CSMD3: variants seen among roughly 807,000 people sequenced by gnomAD.
CSMD3 encodes CUB and sushi domain-containing protein 3.
A neutral mutation model predicts 435.2 loss-of-function variants in CSMD3; 177 were observed. The ratio of observed to expected loss-of-function variants is 0.41; its 90% CI spans 0.36 to 0.46. CSMD3 has a LOEUF of 0.46. Among genes scored for constraint, CSMD3 ranks in the 20% least tolerant of loss-of-function variants. The probability of loss-of-function intolerance (pLI) is 0.34; values close to 1 mark genes in which losing one functional copy is unlikely to be tolerated. For missense variants in CSMD3, 4,265 were observed against 4,504.6 expected (o/e 0.95, Z 1.52); for synonymous variants, 1,656 against 1,520.5 (o/e 1.09, Z -2.07).
At chr8:113,167,574 A>G (rs2092177869) in intron 4 of CSMD3, among the ~76,000 whole-genome samples, 1 of 152,172 alleles carries the variant, frequency 6.6e-6, no homozygotes, top group African/African-American at 2.4e-5. Context: ...TCAAAACAAG[A>G]TTAAGGTGCA....
At chr8:112,253,749 T>C (rs1470876703) in intron 63 of CSMD3, among the ~76,000 whole-genome samples, 6 of 152,064 alleles carry the variant, frequency 3.9e-5, no homozygotes, top group African/African-American at 1.2e-4. Context: ...ATGTGTTGTA[T>C]AGCAACAGGT....
chr8:112,931,548 T>C (rs1326396181), intron 9 of CSMD3, among the ~76,000 whole-genome samples: 1 of 148,034 alleles, frequency 6.8e-6, no homozygotes, highest in Non-Finnish European at 1.5e-5. Flanking sequence ...GAAAAGATTG[T>C]ATGGTTAAAA....
At chr8:112,930,315 A>G (rs1240940498) in intron 9 of CSMD3, among the ~76,000 whole-genome samples, 1 of 152,100 alleles carries the variant, frequency 6.6e-6, no homozygotes, top group South Asian at 2.1e-4. Context: ...AGATAAACCT[A>G]TTTGTATCTA....
At chr8:112,441,452 C>T (rs568893765) in intron 32 of CSMD3, among the ~76,000 whole-genome samples, 1 of 152,200 alleles carries the variant, frequency 6.6e-6, no homozygotes, top group Admixed American at 6.5e-5. Context: ...GCCCTCCAAA[C>T]TGTTCCAAAC....
intron 16 of CSMD3, among the ~76,000 whole-genome samples, chr8:112,672,591 G>A (rs2131734654): frequency 6.6e-6 from 1 of 152,194 alleles, no homozygotes; most frequent in African/African-American, 2.4e-5. Context: ...GCAGCTCCAA[G>A]ACTCCATTGG....
intron 22 of CSMD3, among the ~76,000 whole-genome samples, chr8:112,603,468 C>G (rs11986746): frequency 0.58 from 87,608 of 152,014 alleles, 25,823 homozygotes; most frequent in African/African-American, 0.69. Context: ...AATTATTACT[C>G]TAGTACAGTA....
At chr8:112,863,761 A>G (rs899212440) in intron 10 of CSMD3, among the ~76,000 whole-genome samples, 3 of 152,164 alleles carry the variant, frequency 2.0e-5, no homozygotes, top group African/African-American at 7.2e-5. Context: ...AAGGAAATAA[A>G]TAAACGTGAT....
chr8:112,316,950 A>C (rs1286493061), intron 47 of CSMD3, among the ~76,000 whole-genome samples: 2 of 151,988 alleles, frequency 1.3e-5, no homozygotes, highest in Admixed American at 1.3e-4. Context: ...AATGGACTAA[A>C]AACGATGTAG....
intron 6 of CSMD3, among the ~76,000 whole-genome samples, chr8:112,992,809 A>T (rs895819578): frequency 6.6e-5 from 10 of 151,200 alleles, no homozygotes; most frequent in African/African-American, 2.2e-4. Context: ...GTGCTTGTGT[A>T]TGTGCCTCTG....
intron 12 of CSMD3, among the ~76,000 whole-genome samples, chr8:112,821,389 C>G (rs2079525673): frequency 6.6e-6 from 1 of 151,938 alleles, no homozygotes; most frequent in African/African-American, 2.4e-5. Context: ...ATTTGTATCT[C>G]TATAATGATC....
intron 3 of CSMD3, among the ~76,000 whole-genome samples, chr8:113,272,208 A>G (rs2093533684): frequency 6.6e-6 from 1 of 152,108 alleles, no homozygotes; most frequent in Non-Finnish European, 1.5e-5. Flanking sequence ...AAATGAGTTA[A>G]GACTTTGGGG....
At chr8:112,741,952 A>T (rs2077322106) in intron 13 of CSMD3, among the ~76,000 whole-genome samples, 2 of 151,968 alleles carry the variant, frequency 1.3e-5, no homozygotes, top group Admixed American at 6.6e-5. Context: ...GTGGTCTTCA[A>T]GCAAAGAAAG....
intron 30 of CSMD3, among the ~76,000 whole-genome samples, chr8:112,503,158 TGCA>T (rs1405574970): frequency 3.3e-5 from 5 of 152,242 alleles, no homozygotes; most frequent in African/African-American, 1.2e-4. Flanking sequence ...CATATCTCAC[TGCA>T]GCCTTCATCT....
intron 58 of CSMD3, among the ~76,000 whole-genome samples, chr8:112,282,041 T>G: frequency 6.6e-6 from 1 of 152,182 alleles, no homozygotes; most frequent in East Asian, 1.9e-4. Context: ...ATTTTTAAAC[T>G]ATCTGACTTA....
chr8:112,563,190 T>C (rs1828790394), intron 24 of CSMD3, among the ~76,000 whole-genome samples: 2 of 151,826 alleles, frequency 1.3e-5, no homozygotes, highest in Non-Finnish European at 2.9e-5. Flanking sequence ...TTCTCATTAA[T>C]AGAACTAATA....
At chr8:112,703,519 A>G (rs1442816588) in intron 13 of CSMD3, among the ~76,000 whole-genome samples, 2 of 152,184 alleles carry the variant, frequency 1.3e-5, no homozygotes, top group Non-Finnish European at 2.9e-5. Flanking sequence ...TTTAAATTCA[A>G]TCAGATTTCC....
intron 4 of CSMD3, among the ~76,000 whole-genome samples, chr8:113,107,563 A>G (rs975995121): frequency 3.9e-5 from 6 of 152,346 alleles, no homozygotes; most frequent in African/African-American, 1.2e-4. Context: ...CAGGTTTCAC[A>G]TCCCATACTG....
At chr8:112,469,510 G>C (rs1245246097) in intron 32 of CSMD3, among the ~76,000 whole-genome samples, 1 of 152,178 alleles carries the variant, frequency 6.6e-6, no homozygotes, top group East Asian at 1.9e-4. Flanking sequence ...CGAGGGACAG[G>C]TTTTGTGAAA....
intron 29 of CSMD3, among the ~76,000 whole-genome samples, chr8:112,506,051 C>T (rs116667789): frequency 0.013 from 2,049 of 152,116 alleles, 51 homozygotes; most frequent in African/African-American, 0.046. Flanking sequence ...TAGTACTTAG[C>T]TTGGGAATTT....
Sources: allele counts gnomAD v4.1 joint callset (sites outside exome capture counted in the v4.1 genomes callset), GRCh38; gene constraint gnomAD v4.1.1; transcripts MANE v1.5; gene names NCBI Gene and HGNC (gene_info 2026-07-23, HGNC 2026-07-21).